Variants in NUP98 observed in about 807,000 individuals in gnomAD.
NUP98 encodes the protein nuclear pore complex protein Nup98-Nup96.
Under a neutral mutation model 191.9 loss-of-function variants are expected in NUP98, and 26 were observed. That is an observed-to-expected ratio of 0.14 (90% CI 0.10 to 0.19). The LOEUF (loss-of-function observed/expected upper bound fraction) is 0.19. NUP98 is among the 10% of genes least tolerant of loss of function. The probability of loss-of-function intolerance (pLI) is 1.00; values close to 1 mark genes in which losing one functional copy is unlikely to be tolerated. For synonymous variants in NUP98, 808 were observed against 778.4 expected, an observed-to-expected ratio of 1.04 and a Z score of -0.63; for missense variants, 1,941 against 2,178.8, an observed-to-expected ratio of 0.89 and a Z score of 2.17.
chr11:3,747,312 A>T (rs1261145399), intron 11 of NUP98, among the ~76,000 whole-genome samples: 1 of 152,230 alleles, frequency 6.6e-6, no homozygotes, highest in Non-Finnish European at 1.5e-5. Context: ...ATTTAAATTT[A>T]TCTGAGGCAT....
At chr11:3,692,203 C>T (rs1426476734) in intron 27 of NUP98, among the ~76,000 whole-genome samples, 1 of 151,676 alleles carries the variant, frequency 6.6e-6, no homozygotes, top group Non-Finnish European at 1.5e-5. Context: ...GTGGTATGCA[C>T]CTGTGGTCCC....
intron 13 of NUP98, among the ~76,000 whole-genome samples, chr11:3,734,877 C>T (rs1295316720): frequency 6.6e-6 from 1 of 151,950 alleles, no homozygotes; most frequent in African/African-American, 2.4e-5. Flanking sequence ...AGCAAGACAT[C>T]ATCTCAAAAA....
At chr11:3,712,334 T>C (rs1339264479) in intron 20 of NUP98, 6 of 1,322,562 alleles carry the variant, frequency 4.5e-6, no homozygotes, top group Non-Finnish European at 5.8e-6. Context: ...AAAATGACAA[T>C]CTGTAGAGGA....
chr11:3,795,379 G>C (rs1363246645), intron 1 of NUP98, among the ~76,000 whole-genome samples: 1 of 152,210 alleles, frequency 6.6e-6, no homozygotes, highest in Non-Finnish European at 1.5e-5. Flanking sequence ...CCAGGAGGTA[G>C]AGGCTACTGT....
intron 28 of NUP98, among the ~76,000 whole-genome samples, chr11:3,687,968 A>G (rs905499299): frequency 4.8e-4 from 73 of 152,238 alleles, no homozygotes; most frequent in Non-Finnish European, 1.2e-4. Flanking sequence ...AGTGCTCAAC[A>G]TCATTAGACA....
intron 12 of NUP98, among the ~76,000 whole-genome samples, chr11:3,736,368 TA>T (rs1471763106): frequency 9.8e-5 from 15 of 152,296 alleles, no homozygotes; most frequent in Non-Finnish European, 1.6e-4. Flanking sequence ...ATTAAGTTAA[TA>T]GTTGTAGGCG....
chr11:3,707,803 A>C (rs928534458), intron 20 of NUP98, among the ~76,000 whole-genome samples: 1 of 149,598 alleles, frequency 6.7e-6, no homozygotes, highest in Non-Finnish European at 1.5e-5. Context: ...GCTCCCACTT[A>C]AATTTTAAGA....
In NUP98 at chr11:3,760,583, G is replaced by A; in HGVS notation, c.1130C>T (p.Thr377Ile). 6.2e-7 allele frequency: 1 copy of A among 1,614,008 alleles called. No individual in the cohort carries two copies. The highest frequency in any genetic ancestry group is 8.5e-7 in the Non-Finnish European group (1 of 1,179,920). The part of the protein sequence containing the change: ...NNKLTTFGSS[T>I]TSAPSFGTTS... ...TGTACCAAATGAAGGTGCACTGGTT[G>A]TGCTGCTTCCAAATGTAGTAAGCTT... The change falls in exon 10 of 33, where the codon ACA becomes ATA. Residue 377 changes from threonine (T) to isoleucine (I), a missense_variant. By Grantham distance (89) the Thr-to-Ile change is moderately conservative. Coordinates refer to ENST00000324932, the MANE Select transcript of NUP98 (RefSeq NM_016320.5).
In NUP98 at chr11:3,796,120, C is replaced by T. The variant is rs75194239; in HGVS notation, c.-29+1280G>A. Among the ~76,000 whole-genome samples the T allele has an allele frequency of 0.011, 1,693 of 152,242 alleles. 40 individuals carry two copies. The South Asian group carries it at 0.12, about 10-fold the overall frequency. On this transcript the variant is annotated intron_variant, in intron 1 of 32. Transcript: ENST00000324932. The stretch of plus-strand genomic sequence containing the variant: ...GAGTTTCTTTTCGAATTTGTAAGAC[C>T]GTCACAGGGAATGATCACTGCTCTC...
rs1452615567 is a variant in NUP98 at position 3,731,383 on chromosome 11, A to G, written c.1730+8T>C. ...ACACTTAATTTCTGTTAACAAAAAT[A>G]AACTCACTTGGGCATGAATGCTCCA... On this transcript the variant is annotated splice_region_variant and intron_variant, in intron 14 of 32. Transcript: ENST00000324932. 1.3e-6 allele frequency: 2 copies of G among 1,509,300 alleles called. No individual in the cohort carries two copies. The highest frequency in any genetic ancestry group is 4.7e-5 in the East Asian group (2 of 42,522). The allele number at this position is 1,509,300 out of a possible 1,614,324, so 93.5% of individuals were successfully genotyped here.
intron 30 of NUP98, 98 bp from the exon 31 acceptor site, chr11:3,679,806 T>C (rs2077932685): frequency 2.4e-5 from 29 of 1,233,026 alleles, no homozygotes; most frequent in Non-Finnish European, 3.1e-5. Flanking sequence ...GGAGAAATAA[T>C]GTTGGCTGGA....
intron 11 of NUP98, among the ~76,000 whole-genome samples, chr11:3,746,558 G>A (rs1470551208): frequency 6.6e-6 from 1 of 151,694 alleles, no homozygotes; most frequent in African/African-American, 2.4e-5. Flanking sequence ...CCTGGACGAT[G>A]ACCCATGAAT....
In NUP98 at chr11:3,720,799, A is replaced by G. The variant is rs2079360476; in HGVS notation, c.2173T>C (p.Tyr725His). ...AGGTCATCCATAGATGGAATAGTAT[A>G]GTAACCAACCTTAGTGAGAATAATA... ...AGIILTKVGY[Y>H]TIPSMDDLAK... The change falls in exon 17 of 33, where the codon TAT becomes CAT. Residue 725 changes from tyrosine to histidine, a missense_variant. Physicochemically the swap from Tyr to His is moderately conservative, Grantham distance 83. Coordinates refer to ENST00000324932, the MANE Select transcript of NUP98 (RefSeq NM_016320.5). 7.7e-6 allele frequency: 11 copies of G among 1,435,246 alleles called. No individual in the cohort carries two copies. Among genetic ancestry groups the G allele is most frequent in the Non-Finnish European group, 1.1e-5 (11 of 1,025,908 alleles). The allele number at this position is 1,435,246 out of a possible 1,614,324, so 88.9% of individuals were successfully genotyped here. A position where few individuals can be genotyped will look rare whatever the true frequency, so the allele number is the denominator to read the frequency against.
intron 28 of NUP98, among the ~76,000 whole-genome samples, chr11:3,687,380 A>C (rs2078163001): frequency 6.6e-6 from 1 of 152,162 alleles, no homozygotes; most frequent in Non-Finnish European, 1.5e-5. Flanking sequence ...AGTAGTTTTG[A>C]AATTTTGTTG....
chr11:3,796,599 A>G (rs945586229), intron 1 of NUP98, among the ~76,000 whole-genome samples: 4 of 152,230 alleles, frequency 2.6e-5, no homozygotes, highest in Non-Finnish European at 5.9e-5. Context: ...ACGTTTAGCT[A>G]CCTAATGTCC....
intron 31 of NUP98, among the ~76,000 whole-genome samples, chr11:3,678,136 TA>T (rs76077592): frequency 0.017 from 1,746 of 103,298 alleles, 10 homozygotes; most frequent in African/African-American, 0.02. Context: ...AAACTCTGCC[TA>T]AAAAAAAAAA....
At position 3,713,814 on chromosome 11, in the gene NUP98, A is replaced by T; in HGVS notation, c.2577+4T>A. 6.2e-7 allele frequency: 1 copy of T among 1,610,890 alleles called. No individual in the cohort carries two copies. The highest frequency in any genetic ancestry group is 8.5e-7 in the Non-Finnish European group (1 of 1,179,142). On this transcript the variant is annotated splice_donor_region_variant and intron_variant, in intron 19 of 32. Coordinates refer to ENST00000324932, the MANE Select transcript of NUP98 (RefSeq NM_016320.5). ...AAAGTCTGAACTGGGTTAAATGACT[A>T]TACCTTAAACACCCAAGAACCAGTT... is the stretch of plus-strand genomic sequence containing the variant.
chr11:3,679,300 G>C lies in NUP98; in HGVS notation c.5073+254C>G. 8 of 560,528 alleles carry C rather than the reference G, an allele frequency of 1.4e-5. 1 individual carries two copies. The highest frequency in any genetic ancestry group is 1.4e-4 in the South Asian group (8 of 58,198). The allele number at this position is 560,528 out of a possible 1,614,324, so 34.7% of individuals were successfully genotyped here. On this transcript the variant is annotated intron_variant, in intron 31 of 32. Coordinates refer to ENST00000324932, the MANE Select transcript of NUP98 (RefSeq NM_016320.5). ...TCAAACTAGGACTGAACAAGGGGAAGAGACTGTCTATGGACAAGCCTCAGG... is the reference window on the plus strand; with the variant it reads ...TCAAACTAGGACTGAACAAGGGGAACAGACTGTCTATGGACAAGCCTCAGG...
At chr11:3,721,754 G>GA (rs1275845624) in intron 16 of NUP98, among the ~76,000 whole-genome samples, 42 of 150,572 alleles carry the variant, frequency 2.8e-4, no homozygotes, top group East Asian at 5.8e-4. Context: ...AATTAAAATA[G>GA]AAAAAAAAAT....
Sources: gnomAD v4.1 joint callset for allele counts (sites outside exome capture counted in the v4.1 genomes callset) on GRCh38, gnomAD v4.1.1 for gene constraint, MANE v1.5 for transcripts, NCBI Gene and HGNC (gene_info 2026-07-23, HGNC 2026-07-21) for gene names.